Variants in TCERG1 observed in about 807,000 individuals in gnomAD.
TCERG1 encodes TATA box binding protein (TBP)-associated factor, RNA polymerase II, S, 150kD.
A neutral mutation model predicts 144.7 loss-of-function variants in TCERG1; 37 were observed. The ratio of observed to expected loss-of-function variants is 0.26; its 90% CI spans 0.20 to 0.34. TCERG1 has a LOEUF of 0.34. Ranked by LOEUF, TCERG1 falls within the 10% of genes least tolerant of loss-of-function variation. TCERG1 has a pLI of 1.00. For missense variants in TCERG1, 1,027 were observed against 1,380.7 expected, an observed-to-expected ratio of 0.74 and a Z score of 4.06; for synonymous variants, 492 against 458.2, an observed-to-expected ratio of 1.07 and a Z score of -0.94.
At chr5:146,454,725 A>T (rs573800689) in intron 1 of TCERG1, among the ~76,000 whole-genome samples, 4 of 151,912 alleles carry the variant, frequency 2.6e-5, no homozygotes, top group African/African-American at 4.8e-5. Context: ...AGCCTCCCCA[A>T]TAGCAGGACT....
chr5:146,450,634 G>C (rs563297662), intron 1 of TCERG1, among the ~76,000 whole-genome samples: 5 of 152,228 alleles, frequency 3.3e-5, no homozygotes, highest in African/African-American at 1.2e-4. Flanking sequence ...TTCTGGTGAG[G>C]TTGTTGTGAT....
At chr5:146,460,995 G>T (rs1315373263) in intron 4 of TCERG1, among the ~76,000 whole-genome samples, 2 of 152,144 alleles carry the variant, frequency 1.3e-5, no homozygotes, top group Non-Finnish European at 2.9e-5. Context: ...TTATGTGGAG[G>T]CTCTGTGTTG....
intron 9 of TCERG1, among the ~76,000 whole-genome samples, chr5:146,473,010 G>T (rs759141374): frequency 6.6e-6 from 1 of 152,132 alleles, no homozygotes; most frequent in Non-Finnish European, 1.5e-5. Context: ...ACCATGCCCA[G>T]CTACATACCT....
intron 1 of TCERG1, among the ~76,000 whole-genome samples, chr5:146,449,227 T>C (rs1362112864): frequency 6.6e-6 from 1 of 152,192 alleles, no homozygotes; most frequent in Non-Finnish European, 1.5e-5. Flanking sequence ...TGTTCTGTAG[T>C]TATGTTGTAA....
Position 146,457,101 on chromosome 5 carries a change from T to G in TCERG1, c.286-82T>G, listed in dbSNP as rs1009330178. ...ACTATAAAACTAGTTTCTCTTACAG[T>G]GTTTTACTTTTGAATAGAATTCAGT... On this transcript the variant is annotated intron_variant, in intron 2 of 22. Transcript: ENST00000679501. 7 of 1,531,260 alleles carry G rather than the reference T, an allele frequency of 4.6e-6. No homozygotes were observed. In the African/African-American group the frequency reaches 9.6e-5, roughly 21 times the overall value. 94.9% of individuals were successfully genotyped at this position (1,531,260 alleles called of 1,614,324 possible). A position where few individuals can be genotyped will look rare whatever the true frequency, so the allele number is the denominator to read the frequency against.
chr5:146,484,515 C>T (rs1418159792), intron 15 of TCERG1, among the ~76,000 whole-genome samples: 1 of 152,032 alleles, frequency 6.6e-6, no homozygotes, highest in Non-Finnish European at 1.5e-5. Context: ...ATGGTGTGTA[C>T]CATTATGCAT....
intron 19 of TCERG1, among the ~76,000 whole-genome samples, chr5:146,506,533 TCA>T (rs530517726): frequency 2.0e-5 from 3 of 152,352 alleles, no homozygotes; most frequent in African/African-American, 7.2e-5. Flanking sequence ...GAATTTACTC[TCA>T]GTTATTTTGA....
At position 146,458,871 on chromosome 5, in the gene TCERG1, G is replaced by A. The variant is rs1484440979; in HGVS notation, c.439-13G>A. On this transcript the variant is annotated splice_polypyrimidine_tract_variant and intron_variant, in intron 3 of 22. Transcript: ENST00000679501. ...AGATTTTATGATACCATTGATTTTT[G>A]CTTCCGCTGCAGGTTTATTATTATA... 1 of 1,578,362 alleles carries A rather than the reference G, an allele frequency of 6.3e-7. No homozygotes were observed. Among genetic ancestry groups the A allele is most frequent in the African/African-American group, 1.4e-5 (1 of 73,368 alleles).
At chr5:146,496,845 T>G (rs1035375302) in intron 16 of TCERG1, among the ~76,000 whole-genome samples, 2 of 151,308 alleles carry the variant, frequency 1.3e-5, no homozygotes, top group Non-Finnish European at 1.5e-5. Flanking sequence ...TTAAATTTTT[T>G]GTAGGGACAG....
At position 146,471,747 on chromosome 5, in the gene TCERG1, C is replaced by T. The variant is rs111755786; in HGVS notation, c.1601+171C>T. On this transcript the variant is annotated intron_variant, in intron 9 of 22. Transcript: ENST00000679501. ...CCGAATAGCTGGGACTACAGGCACACGCCACCATGCCCAGCTGATTTTTGT... is the reference window on the plus strand; with the variant it reads ...CCGAATAGCTGGGACTACAGGCACATGCCACCATGCCCAGCTGATTTTTGT... Among the ~76,000 whole-genome samples the T allele has an allele frequency of 8.7e-3, 1,320 of 152,154 alleles. 20 individuals carry two copies. Among genetic ancestry groups the T allele is most frequent in the African/African-American group, 0.03 (1,255 of 41,510 alleles).
At chr5:146,468,568 A>G (rs183843186) in intron 6 of TCERG1, among the ~76,000 whole-genome samples, 165 bp downstream of exon 6, 2 of 152,256 alleles carry the variant, frequency 1.3e-5, no homozygotes, top group African/African-American at 4.8e-5. Context: ...CCAACACTTA[A>G]TTTTCCCAAT....
chr5:146,507,683 A>C lies in TCERG1; in HGVS notation c.2962-190A>C. 1 of 453,872 alleles carries C rather than the reference A, an allele frequency of 2.2e-6. No homozygotes were observed. Among genetic ancestry groups the C allele is most frequent in the East Asian group, 3.4e-5 (1 of 29,046 alleles). 28.1% of individuals were successfully genotyped at this position (453,872 alleles called of 1,614,324 possible). A position where few individuals can be genotyped will look rare whatever the true frequency, so the allele number is the denominator to read the frequency against. The stretch of plus-strand genomic sequence containing the variant: ...ACCTTGAAAGTATGGCCATGAAAAT[A>C]ACTCTTGTGGCAAGCCAACAAAAAG... On this transcript the variant is annotated intron_variant, in intron 20 of 22. Transcript: ENST00000679501. The surrounding 1 kb of genome is among the most constrained non-coding windows in gnomAD (Gnocchi z 4.6).
chr5:146,474,868 A>G lies in TCERG1; in HGVS notation c.1601+3292A>G, dbSNP rs138328287. On this transcript the variant is annotated intron_variant, in intron 9 of 22. Coordinates refer to ENST00000679501, the MANE Select transcript of TCERG1 (RefSeq NM_001382548.1). ...AAATAGACTACAGCATGATGTAAAT[A>G]TAACTTTTGTATATGGTGGGATACA... is the stretch of plus-strand genomic sequence containing the variant. 3.1e-3 allele frequency among the ~76,000 whole-genome samples: 468 copies of G among 152,376 alleles called. 3 individuals are homozygous for G. The highest frequency in any genetic ancestry group is 9.9e-3 in the African/African-American group (412 of 41,594).
At chr5:146,449,328 A>T (rs1447015496) in intron 1 of TCERG1, among the ~76,000 whole-genome samples, 1 of 152,218 alleles carries the variant, frequency 6.6e-6, no homozygotes, top group Non-Finnish European at 1.5e-5. Flanking sequence ...AGGTGCTGGT[A>T]ATAGTGCCCT....
chr5:146,478,792 G>A, intron 10 of TCERG1, 139 bp downstream of exon 10: 1 of 811,414 alleles, frequency 1.2e-6, no homozygotes, highest in South Asian at 2.2e-5. Context: ...TGCTATCCTA[G>A]TTTGAATGAA....
At chr5:146,480,438 G>A (rs1264946587) in intron 12 of TCERG1, 1 of 170,090 alleles carries the variant, frequency 5.9e-6, no homozygotes, top group Admixed American at 5.9e-5. Flanking sequence ...CATAAAAACA[G>A]ACACAGACTT....
At chr5:146,458,131 G>A (rs1437993994) in intron 3 of TCERG1, among the ~76,000 whole-genome samples, 2 of 151,942 alleles carry the variant, frequency 1.3e-5, no homozygotes, top group Non-Finnish European at 2.9e-5. Flanking sequence ...GATTACAGGC[G>A]TGAGCCACTG....
chr5:146,455,006 A>AT, intron 1 of TCERG1, 50 bp from the exon 2 acceptor site: 1 of 1,594,586 alleles, frequency 6.3e-7, no homozygotes, highest in Non-Finnish European at 8.6e-7. Context: ...CAGTAGCTAC[A>AT]TTTTTGTAAT....
In TCERG1 at chr5:146,455,217, C is replaced by T; in HGVS notation, c.221C>T (p.Pro74Leu). 1.2e-6 allele frequency: 2 copies of T among 1,614,202 alleles called. No individual in the cohort carries two copies. Among genetic ancestry groups the T allele is most frequent in the South Asian group, 1.1e-5 (1 of 91,084 alleles). ...CCCTTTGGACGTCCTCCTTTTGATCCTAATATGCCGCCAATGCCTCCTCCA... is the reference window on the plus strand; with the variant it reads ...CCCTTTGGACGTCCTCCTTTTGATCTTAATATGCCGCCAATGCCTCCTCCA... ...RPPFGRPPFDPNMPPMPPPGG... is the reference protein window; with the variant it reads ...RPPFGRPPFDLNMPPMPPPGG... Residue 74 changes from proline (P) to leucine (L), a missense_variant, in exon 2 of 23, where the codon CCT becomes CTT. By Grantham distance (98) the Pro-to-Leu change is moderately conservative (BLOSUM62 -3). Around this residue, in one of 6 missense-constraint regions of TCERG1, gnomAD observed 175 missense variants for 197.0 expected, o/e 0.89. Transcript: ENST00000679501.
Sources: gnomAD v4.1 joint callset for allele counts (sites outside exome capture counted in the v4.1 genomes callset) on GRCh38, gnomAD v4.1.1 for gene constraint, gnomAD v4.1.1 regional missense constraint, Gnocchi (gnomAD v3.1) non-coding constraint, MANE v1.5 for transcripts, NCBI Gene and HGNC (gene_info 2026-07-23, HGNC 2026-07-21) for gene names.